ABL2: variants seen among roughly 807,000 people sequenced by gnomAD.
ABL2 encodes the protein tyrosine-protein kinase ABL2.
In ABL2, 49 loss-of-function variants were observed where a neutral mutation model predicts 107.7. The observed-to-expected ratio is 0.45, with a 90% confidence interval of 0.36 to 0.58. The LOEUF (loss-of-function observed/expected upper bound fraction) is 0.58, where lower values mean the gene tolerates loss of function less well. Among genes scored for constraint, ABL2 ranks in the 20% least tolerant of loss-of-function variants. The pLI, the probability that ABL2 is intolerant of heterozygous loss-of-function variation, is 0.00. For missense variants in ABL2, 1,245 were observed against 1,457.0 expected (o/e 0.85, Z 2.37); for synonymous variants, 549 against 548.6 (o/e 1.00, Z -0.01).
At chr1:179,122,605 AAT>A (rs937459682) in intron 4 of ABL2, among the ~76,000 whole-genome samples, 11 of 151,770 alleles carry the variant, frequency 7.2e-5, no homozygotes, top group Admixed American at 2.0e-4. Context: ...TATATTTTCA[AAT>A]ATATATATAC....
At chr1:179,139,178 A>G (rs1221546046) in intron 1 of ABL2, among the ~76,000 whole-genome samples, 1 of 152,074 alleles carries the variant, frequency 6.6e-6, no homozygotes, top group Non-Finnish European at 1.5e-5. Context: ...AAATCTTGCT[A>G]CTGCTCACTC....
intron 1 of ABL2, among the ~76,000 whole-genome samples, chr1:179,220,687 G>A (rs1406165640): frequency 2.0e-5 from 3 of 152,196 alleles, no homozygotes; most frequent in Non-Finnish European, 1.5e-5. Context: ...GTATATGGCA[G>A]GATTTTAAGC....
chr1:179,227,101 C>A (rs901333162), intron 1 of ABL2, among the ~76,000 whole-genome samples: 1 of 152,174 alleles, frequency 6.6e-6, no homozygotes, highest in African/African-American at 2.4e-5. Context: ...TGGATATAAA[C>A]TTCTCTGCCA....
chr1:179,226,195 C>G (rs1357731787), intron 1 of ABL2, among the ~76,000 whole-genome samples: 2 of 151,652 alleles, frequency 1.3e-5, no homozygotes, highest in African/African-American at 4.8e-5. Context: ...TGGCAATAAA[C>G]TCGACCTATT....
intron 1 of ABL2, among the ~76,000 whole-genome samples, chr1:179,179,316 A>C (rs1358457195): frequency 1.3e-5 from 2 of 152,226 alleles, no homozygotes; most frequent in African/African-American, 2.4e-5. Context: ...TACTCATTGG[A>C]ATACTGATTA....
At chr1:179,225,436 C>T (rs568904147) in intron 1 of ABL2, among the ~76,000 whole-genome samples, 1 of 152,138 alleles carries the variant, frequency 6.6e-6, no homozygotes, top group Admixed American at 6.5e-5. Flanking sequence ...GATTCGAGCA[C>T]CTACATTTAC....
chr1:179,121,236 CAAGA>C (rs1156324884), intron 5 of ABL2, among the ~76,000 whole-genome samples: 5 of 152,160 alleles, frequency 3.3e-5, no homozygotes, highest in Non-Finnish European at 1.5e-5. Flanking sequence ...AAGGACAGAA[CAAGA>C]AAGAGGCCCA....
chr1:179,198,525 C>G (rs891332702), intron 1 of ABL2, among the ~76,000 whole-genome samples: 5 of 151,622 alleles, frequency 3.3e-5, no homozygotes, highest in Admixed American at 3.3e-4. Context: ...AAACCCCCGT[C>G]TCTACTAAAA....
Position 179,229,517 on chromosome 1 carries a change from G to T in ABL2, c.-120C>A. On this transcript the variant is annotated 5_prime_UTR_variant, in exon 1 of 12. Transcript: ENST00000502732. Reference sequence around the variant, plus strand: ...CTCCCAGCCCAGGCCCTGGCCCTGAGTGGCTGGGCCACCGGCGGCTCCGCA... The same window carrying T: ...CTCCCAGCCCAGGCCCTGGCCCTGATTGGCTGGGCCACCGGCGGCTCCGCA... The T allele has an allele frequency of 8.7e-7, 1 of 1,154,908 alleles. No individual in the cohort carries two copies. The highest frequency in any genetic ancestry group is 1.1e-6 in the Non-Finnish European group (1 of 883,534). 71.5% of individuals were successfully genotyped at this position (1,154,908 alleles called of 1,614,324 possible). A position where few individuals can be genotyped will look rare whatever the true frequency, so the allele number is the denominator to read the frequency against.
At chr1:179,210,052 CA>C (rs1357726594) in intron 1 of ABL2, among the ~76,000 whole-genome samples, 5 of 151,984 alleles carry the variant, frequency 3.3e-5, no homozygotes, top group Admixed American at 2.0e-4. Flanking sequence ...TTTTTAAAGA[CA>C]GGGGTCTTGC....
chr1:179,128,343 A>G (rs1021009001), intron 3 of ABL2, among the ~76,000 whole-genome samples: 1 of 149,770 alleles, frequency 6.7e-6, no homozygotes, highest in Non-Finnish European at 1.5e-5. Context: ...TTACAGGAAG[A>G]AAAAAAAAAG....
At chr1:179,189,466 G>T (rs1660874793) in intron 1 of ABL2, among the ~76,000 whole-genome samples, 1 of 152,008 alleles carries the variant, frequency 6.6e-6, no homozygotes. Context: ...GACTCTCCAG[G>T]AATTTCTCAG....
chr1:179,116,037 A>C (rs1278008660), intron 8 of ABL2, among the ~76,000 whole-genome samples: 1 of 152,152 alleles, frequency 6.6e-6, no homozygotes, highest in Non-Finnish European at 1.5e-5. Context: ...CCCTCGAAAA[A>C]AAAAAAAGCT....
At position 179,126,727 on chromosome 1, in the gene ABL2, C is replaced by A; in HGVS notation, c.392-55G>T. ...AAACGATGTTAAGACTTTATTTCAA[C>A]TGAAGCAGTGTACTGTCAAACTTTA... is the stretch of plus-strand genomic sequence containing the variant. On this transcript the variant is annotated intron_variant, in intron 3 of 11. Coordinates refer to ENST00000502732, the MANE Select transcript of ABL2 (RefSeq NM_007314.4). This position sits in a 1 kb window ranked among gnomAD's most constrained non-coding sequence, Gnocchi z 4.4. 6.7e-7 allele frequency: 1 copy of A among 1,490,278 alleles called. No individual in the cohort carries two copies. The allele number at this position is 1,490,278 out of a possible 1,614,324, so 92.3% of individuals were successfully genotyped here.
intron 2 of ABL2, among the ~76,000 whole-genome samples, chr1:179,132,612 A>G (rs1450993707): frequency 6.6e-6 from 1 of 151,864 alleles, no homozygotes; most frequent in Non-Finnish European, 1.5e-5. Context: ...ATCTCGGCTT[A>G]CTGAAACCTC....
chr1:179,184,768 T>C (rs1248297331), intron 1 of ABL2, among the ~76,000 whole-genome samples: 1 of 152,182 alleles, frequency 6.6e-6, no homozygotes, highest in African/African-American at 2.4e-5. Context: ...CAGTCTTTTT[T>C]TTCCCCCTCT....
intron 1 of ABL2, among the ~76,000 whole-genome samples, chr1:179,211,442 A>G (rs1212894362): frequency 6.6e-6 from 1 of 152,094 alleles, no homozygotes; most frequent in Non-Finnish European, 1.5e-5. Context: ...GAATCACTTG[A>G]GCCTAGGAGG....
chr1:179,214,519 CATAT>C (rs59744061), intron 1 of ABL2, among the ~76,000 whole-genome samples: 25,203 of 121,898 alleles, frequency 0.21, 2,460 homozygotes, highest in Admixed American at 0.22. Flanking sequence ...TTTAAAATGA[CATAT>C]ATATATATAT....
chr1:179,110,887 C>A lies in ABL2; in HGVS notation c.1652-432G>T, dbSNP rs1380357511. The A allele has an allele frequency of 2.5e-6, 4 of 1,612,390 alleles. No individual in the cohort carries two copies. In the South Asian group the frequency reaches 4.4e-5, roughly 18 times the overall value. On this transcript the variant is annotated intron_variant, in intron 10 of 11. Transcript: ENST00000502732. ...TATACGTGTATTCAGGTTTATTAGGCCCTGCCAACCTGTCCCCAAATAGCG... is the reference window on the plus strand; with the variant it reads ...TATACGTGTATTCAGGTTTATTAGGACCTGCCAACCTGTCCCCAAATAGCG...
Sources: gnomAD v4.1 joint callset for allele counts (sites outside exome capture counted in the v4.1 genomes callset) on GRCh38, gnomAD v4.1.1 for gene constraint, Gnocchi (gnomAD v3.1) non-coding constraint, MANE v1.5 for transcripts, NCBI Gene and HGNC (gene_info 2026-07-23, HGNC 2026-07-21) for gene names.